Variants in TMEM263 observed in about 807,000 individuals in gnomAD.
TMEM263 encodes transmembrane protein 263, also known as UPF0444 transmembrane protein C12orf23.
A neutral mutation model predicts 8.6 loss-of-function variants in TMEM263; 5 were observed. That is an observed-to-expected ratio of 0.58 (90% confidence interval 0.31 to 1.23). TMEM263 has a LOEUF of 1.23. TMEM263 is among the 50% of genes most tolerant of loss of function. TMEM263 has a pLI of 0.07. For missense variants in TMEM263, 104 were observed against 138.8 expected (o/e 0.75, Z 1.26); for synonymous variants, 50 against 47.9 (o/e 1.04, Z -0.18).
chr12:106,960,991 C>T (rs1244954301), intron 2 of TMEM263, among the ~76,000 whole-genome samples: 3 of 151,930 alleles, frequency 2.0e-5, no homozygotes, highest in Non-Finnish European at 2.9e-5. Context: ...AAAGTATATG[C>T]GGATACTTCT....
chr12:106,967,005 GTTGT>G (rs1233509128), intron 2 of TMEM263, 102 bp from the exon 3 acceptor site: 1 of 715,794 alleles, frequency 1.4e-6, no homozygotes, highest in African/African-American at 1.8e-5. Context: ...GGTACAAAAT[GTTGT>G]TTATCTGAAT....
intron 2 of TMEM263, among the ~76,000 whole-genome samples, chr12:106,964,853 C>T (rs944729964): frequency 2.0e-5 from 3 of 152,202 alleles, no homozygotes; most frequent in Non-Finnish European, 2.9e-5. Flanking sequence ...CTGCCTCTAC[C>T]ACCCTCATCC....
At chr12:106,968,769 G>A (rs1951878490) in intron 3 of TMEM263, among the ~76,000 whole-genome samples, 1 of 152,194 alleles carries the variant, frequency 6.6e-6, no homozygotes, top group Non-Finnish European at 1.5e-5. Context: ...AAATGCATGT[G>A]TACCAAATTT....
At chr12:106,970,852 TA>T (rs962549171) in intron 3 of TMEM263, among the ~76,000 whole-genome samples, 2 of 152,230 alleles carry the variant, frequency 1.3e-5, no homozygotes, top group Non-Finnish European at 2.9e-5. Flanking sequence ...GATTCTGTTT[TA>T]CAAAAGTTGT....
intron 1 of TMEM263, chr12:106,956,703 C>A (rs1951697691): frequency 6.6e-6 from 1 of 152,458 alleles, no homozygotes; most frequent in Non-Finnish European, 1.5e-5. Context: ...CAAGACCGAC[C>A]CCCCAGCTCC....
rs996196167 is a variant in TMEM263, at chr12:106,972,879, T to A, written c.*1488T>A. The A allele has an allele frequency of 9.3e-4, 131 of 140,382 alleles. No homozygotes were observed. Among genetic ancestry groups the A allele is most frequent in the African/African-American group, 2.6e-3 (94 of 35,992 alleles). 8.7% of individuals were successfully genotyped at this position (140,382 alleles called of 1,614,324 possible). A position where few individuals can be genotyped will look rare whatever the true frequency, so the allele number is the denominator to read the frequency against. ...TGCCACCTTTTTTTTTTTTTTTTTTTATAGTGGAGGGGAGGAAAGGGGGGT... is the reference window on the plus strand; with the variant it reads ...TGCCACCTTTTTTTTTTTTTTTTTTAATAGTGGAGGGGAGGAAAGGGGGGT... On this transcript the variant is annotated 3_prime_UTR_variant, in exon 4 of 4. Transcript: ENST00000280756.
chr12:106,972,318 C>A lies in TMEM263; in HGVS notation c.*927C>A, dbSNP rs895342700. ...GAGGAACAAATAATAATTTTAAGTT[C>A]TTAAAAATTACCTAAAACACCCCAA... On this transcript the variant is annotated 3_prime_UTR_variant, in exon 4 of 4. Coordinates refer to ENST00000280756, the MANE Select transcript of TMEM263 (RefSeq NM_152261.4). 1.2e-4 allele frequency: 19 copies of A among 152,238 alleles called. No individual in the cohort carries two copies. The highest frequency in any genetic ancestry group is 4.3e-4 in the African/African-American group (18 of 41,566). 9.4% of individuals were successfully genotyped at this position (152,238 alleles called of 1,614,324 possible). A position where few individuals can be genotyped will look rare whatever the true frequency, so the allele number is the denominator to read the frequency against.
At chr12:106,966,922 ATAATT>A (rs1951854805) in intron 2 of TMEM263, 184 bp from the exon 3 acceptor site, 11 of 520,456 alleles carry the variant, frequency 2.1e-5, no homozygotes, top group Middle Eastern at 1.0e-3. Context: ...GTCTACTGGT[ATAATT>A]TAAAGTATTT....
chr12:106,960,614 C>T (rs1286073913), intron 2 of TMEM263, among the ~76,000 whole-genome samples: 2 of 151,924 alleles, frequency 1.3e-5, no homozygotes, highest in African/African-American at 2.4e-5. Context: ...TCATGGTGGG[C>T]GTGGGAGTGG....
intron 1 of TMEM263, among the ~76,000 whole-genome samples, chr12:106,956,271 C>T (rs954733443): frequency 6.6e-6 from 1 of 152,160 alleles, no homozygotes; most frequent in Non-Finnish European, 1.5e-5. Context: ...GCTACTCCTC[C>T]TTATACGTCG....
intron 2 of TMEM263, among the ~76,000 whole-genome samples, chr12:106,962,751 A>G (rs1460764500): frequency 6.6e-6 from 1 of 152,156 alleles, no homozygotes; most frequent in Non-Finnish European, 1.5e-5. Context: ...CTTCTCTCAA[A>G]AGGTTTCTCT....
rs1951938750 is a variant in TMEM263 at position 106,972,679 on chromosome 12, T to G, written c.*1288T>G. 1 of 152,162 alleles carries G rather than the reference T, an allele frequency of 6.6e-6. No individual in the cohort carries two copies. The highest frequency in any genetic ancestry group is 2.1e-4 in the South Asian group (1 of 4,832). The allele number at this position is 152,162 out of a possible 1,614,324, so 9.4% of individuals were successfully genotyped here. On this transcript the variant is annotated 3_prime_UTR_variant, in exon 4 of 4. Coordinates refer to ENST00000280756, the MANE Select transcript of TMEM263 (RefSeq NM_152261.4). The stretch of plus-strand genomic sequence containing the variant: ...CTTATTAATATGTCTCATGTCTCGT[T>G]CCTTCTTAATATGATTTAGCTGGAA...
Position 106,973,551 on chromosome 12 carries a change from A to AT in TMEM263, c.*2161dup, listed in dbSNP as rs1405202855. The AT allele has an allele frequency of 2.6e-5, 4 of 152,574 alleles. No homozygotes were observed. The highest frequency in any genetic ancestry group is 9.6e-5 in the African/African-American group (4 of 41,454). 9.5% of individuals were successfully genotyped at this position (152,574 alleles called of 1,614,324 possible). ...TCAGGATTGTTTTAAATTCTAAACT[A>AT]TAAGTTTGTTCAGAGGGGCTTTTGC... On this transcript the variant is annotated 3_prime_UTR_variant, in exon 4 of 4. Coordinates refer to ENST00000280756, the MANE Select transcript of TMEM263 (RefSeq NM_152261.4).
intron 2 of TMEM263, 126 bp from the exon 3 acceptor site, chr12:106,966,985 T>C: frequency 1.6e-6 from 1 of 642,292 alleles, no homozygotes; most frequent in Non-Finnish European, 2.7e-6. Context: ...TGAAGACTAG[T>C]TGTATAGTGG....
intron 2 of TMEM263, among the ~76,000 whole-genome samples, chr12:106,960,394 A>G (rs1351009961): frequency 6.6e-6 from 1 of 151,792 alleles, no homozygotes; most frequent in South Asian, 2.1e-4. Flanking sequence ...AGGACTTTCA[A>G]GTCTTTCTAA....
intron 2 of TMEM263, among the ~76,000 whole-genome samples, chr12:106,963,280 C>T (rs4964509): frequency 0.57 from 86,742 of 152,000 alleles, 25,861 homozygotes; most frequent in African/African-American, 0.72. Flanking sequence ...GAGTATGACA[C>T]GACTGGACTG....
chr12:106,971,342 T>C lies in TMEM263; in HGVS notation c.302T>C (p.Val101Ala). ...GGTGTTACAGCTGTTGGGTCTGCTG[T>C]TGTAAACAAAGTGCCCTTAACAGGA... ...AGGVTAVGSAVVNKVPLTGKK... is the reference protein window; with the variant it reads ...AGGVTAVGSAAVNKVPLTGKK... The change falls in exon 4 of 4, where the codon GTT (valine) becomes GCT (alanine). Residue 101 changes from valine (V) to alanine (A), a missense_variant. By Grantham distance (64) the Val-to-Ala change is moderately conservative. Transcript: ENST00000280756. 1 of 1,613,824 alleles carries C rather than the reference T, an allele frequency of 6.2e-7. No individual in the cohort carries two copies. Among genetic ancestry groups the C allele is most frequent in the Non-Finnish European group, 8.5e-7 (1 of 1,179,848 alleles).
rs1041490506 is a variant in TMEM263 at position 106,971,626 on chromosome 12, G to A, written c.*235G>A. On this transcript the variant is annotated 3_prime_UTR_variant, in exon 4 of 4. Transcript: ENST00000280756. ...TCTGGTAAAATGTTACACTTACTCG[G>A]TTGTAACTGAAGATATGGTATGTTT... 6.1e-5 allele frequency: 25 copies of A among 408,660 alleles called. No individual in the cohort carries two copies. Among genetic ancestry groups the A allele is most frequent in the African/African-American group, 4.3e-4 (21 of 49,294 alleles). The allele number at this position is 408,660 out of a possible 1,614,324, so 25.3% of individuals were successfully genotyped here.
At chr12:106,964,257 A>G (rs1951816405) in intron 2 of TMEM263, among the ~76,000 whole-genome samples, 1 of 152,232 alleles carries the variant, frequency 6.6e-6, no homozygotes, top group Admixed American at 6.5e-5. Context: ...GGTTAAGGCT[A>G]GAATTGTCTT....
Sources: allele counts gnomAD v4.1 joint callset (sites outside exome capture counted in the v4.1 genomes callset), GRCh38; gene constraint gnomAD v4.1.1; transcripts MANE v1.5; gene names NCBI Gene and HGNC (gene_info 2026-07-23, HGNC 2026-07-21).